Variants in HECTD4 observed in about 807,000 individuals in gnomAD.
HECTD4 encodes HECT domain E3 ubiquitin protein ligase 4, also known as probable E3 ubiquitin-protein ligase HECTD4.
Under a neutral mutation model 471.5 loss-of-function variants are expected in HECTD4, and 114 were observed. The observed-to-expected ratio is 0.24, with a 90% CI of 0.21 to 0.28. The LOEUF is 0.28. Ranked by LOEUF, HECTD4 falls within the 10% of genes least tolerant of loss-of-function variation. HECTD4 has a pLI of 1.00. For synonymous variants in HECTD4, 2,012 were observed against 2,256.0 expected (o/e 0.89, Z 3.07); for missense variants, 3,866 against 5,651.5 (o/e 0.68, Z 10.13).
rs564143455 is a variant in HECTD4 at position 112,274,129 on chromosome 12, C to A, written c.1802-334G>T. ...ATAATAGGACCAATTAACATTAATG[C>A]AAAATAAAAAGCCCTAATAACTGAG... On this transcript the variant is annotated intron_variant, in intron 10 of 75. Transcript: ENST00000682272. Among the ~76,000 whole-genome samples the A allele has an allele frequency of 4.9e-4, 74 of 152,254 alleles. 1 individual carries two copies. The highest frequency in any genetic ancestry group is 1.7e-3 in the African/African-American group (70 of 41,550).
intron 52 of HECTD4, 146 bp from the exon 53 acceptor site, chr12:112,204,769 G>T: frequency 1.5e-6 from 1 of 652,550 alleles, no homozygotes. Context: ...AGGAAATTGT[G>T]CAGTATCTAC....
At chr12:112,197,912 A>C (rs1472265857) in intron 55 of HECTD4, among the ~76,000 whole-genome samples, 1 of 152,178 alleles carries the variant, frequency 6.6e-6, no homozygotes, top group East Asian at 1.9e-4. Context: ...TGGGGACTCT[A>C]GCAACCTCTG....
At chr12:112,290,866 A>AAAAAAAAAAAC (rs1594014894) in intron 7 of HECTD4, among the ~76,000 whole-genome samples, 1 of 149,566 alleles carries the variant, frequency 6.7e-6, no homozygotes. Flanking sequence ...AACAAAACAA[A>AAAAAAAAAAAC]AAAAAAAAAC....
chr12:112,258,190 G>GAAA (rs71920161), intron 20 of HECTD4, among the ~76,000 whole-genome samples: 1 of 128,230 alleles, frequency 7.8e-6, no homozygotes, highest in Admixed American at 7.8e-5. Context: ...CTCCATCTCA[G>GAAA]AAAAAAAAAA....
At chr12:112,355,221 C>T (rs929899677) in intron 1 of HECTD4, among the ~76,000 whole-genome samples, 4 of 149,928 alleles carry the variant, frequency 2.7e-5, no homozygotes, top group East Asian at 2.0e-4. Flanking sequence ...ACTTCAGGCC[C>T]GCCTTGGCCT....
intron 15 of HECTD4, among the ~76,000 whole-genome samples, chr12:112,265,657 C>T (rs1406770097): frequency 4.0e-4 from 61 of 152,158 alleles, no homozygotes; most frequent in Non-Finnish European, 1.5e-5. Context: ...AGACCCTTTC[C>T]CCAGGCCCAA....
intron 7 of HECTD4, among the ~76,000 whole-genome samples, chr12:112,290,624 G>A (rs2034857836): frequency 6.6e-6 from 1 of 151,862 alleles, no homozygotes; most frequent in South Asian, 2.1e-4. Flanking sequence ...GAGGAAGGCA[G>A]ATCACCTGAG....
At chr12:112,333,682 TAAAC>T (rs565131789) in intron 1 of HECTD4, among the ~76,000 whole-genome samples, 298 of 152,206 alleles carry the variant, frequency 2.0e-3, no homozygotes, top group Non-Finnish European at 3.0e-3. Context: ...CTGTATCTAT[TAAAC>T]AAACAAACAA....
chr12:112,250,099 T>A, intron 25 of HECTD4, 45 bp downstream of exon 25: 1 of 1,389,176 alleles, frequency 7.2e-7, no homozygotes, highest in Non-Finnish European at 1.0e-6. Context: ...TTGTTTAAAC[T>A]TTTTTTTCCC....
chr12:112,241,446 C>T (rs2033640578), intron 32 of HECTD4, among the ~76,000 whole-genome samples: 1 of 152,122 alleles, frequency 6.6e-6, no homozygotes, highest in African/African-American at 2.4e-5. Flanking sequence ...TGAACAGAAG[C>T]AAGACCTAAA....
At chr12:112,356,662 TC>T (rs2036343354) in intron 1 of HECTD4, among the ~76,000 whole-genome samples, 1 of 152,074 alleles carries the variant, frequency 6.6e-6, no homozygotes, top group African/African-American at 2.4e-5. Flanking sequence ...GGTCTCAAAC[TC>T]CTGGGCTCAA....
Position 112,350,954 on chromosome 12 carries a change from A to G in HECTD4, c.177+30998T>C, listed in dbSNP as rs549752159. Among the ~76,000 whole-genome samples the G allele has an allele frequency of 7.9e-4, 121 of 152,306 alleles. 2 individuals carry two copies. The South Asian group carries it at 0.015, about 19-fold the overall frequency. On this transcript the variant is annotated intron_variant, in intron 1 of 75. Transcript: ENST00000682272. ...ATTAAGGGCCCATTAGTCTCCCTAAAAAAGAGCTTAATTCCATGTCAGAAA... is the reference window on the plus strand; with the variant it reads ...ATTAAGGGCCCATTAGTCTCCCTAAGAAAGAGCTTAATTCCATGTCAGAAA...
In HECTD4 at chr12:112,179,458, C is replaced by A. The variant is rs981646136; in HGVS notation, c.10988-61G>T. ...TGAACATGCATCGGGACAAGCCCTG[C>A]GAGCATTCTGTTTCCAAACACTGTT... On this transcript the variant is annotated intron_variant, in intron 62 of 75. Coordinates refer to ENST00000682272, the MANE Select transcript of HECTD4 (RefSeq NM_001388303.1). The surrounding 1 kb of genome is among the most constrained non-coding windows in gnomAD (Gnocchi z 4.3). The A allele has an allele frequency of 1.4e-6, 2 of 1,407,190 alleles. No individual in the cohort carries two copies. The highest frequency in any genetic ancestry group is 1.2e-5 in the South Asian group (1 of 81,278). The allele number at this position is 1,407,190 out of a possible 1,614,324, so 87.2% of individuals were successfully genotyped here. A position where few individuals can be genotyped will look rare whatever the true frequency, so the allele number is the denominator to read the frequency against.
intron 1 of HECTD4, among the ~76,000 whole-genome samples, chr12:112,346,414 C>T (rs1702217897): frequency 6.6e-6 from 1 of 152,194 alleles, no homozygotes; most frequent in Non-Finnish European, 1.5e-5. Flanking sequence ...CACTTTGGTA[C>T]ATACCAGCAA....
In HECTD4 at chr12:112,217,990, A is replaced by T. The variant is rs545837065; in HGVS notation, c.7075-795T>A. Among the ~76,000 whole-genome samples the T allele has an allele frequency of 1.8e-3, 278 of 151,744 alleles. 1 individual carries two copies. Among genetic ancestry groups the T allele is most frequent in the Non-Finnish European group, 3.2e-3 (214 of 67,930 alleles). On this transcript the variant is annotated intron_variant, in intron 45 of 75. Coordinates refer to ENST00000682272, the MANE Select transcript of HECTD4 (RefSeq NM_001388303.1). ...AGCAACTTTTAAAAAATTTATTATT[A>T]TTTTTTTATTTTTTGAGACAGTCTC...
rs375000217 is a variant in HECTD4 at position 112,250,985 on chromosome 12, G to A, written c.3702C>T (p.Ser1234=). The A allele has an allele frequency of 1.1e-5, 18 of 1,611,192 alleles. No homozygotes were observed. The highest frequency in any genetic ancestry group is 1.5e-5 in the Non-Finnish European group (18 of 1,178,830). ...EEEACQELLR[S]KLLQRCQWQV... is the part of the protein sequence containing the mutation. ...CTTTTTGTTACCTTTGTAAAAGTTT[G>A]GACCGCAATAGCTCCTGACAGGCTT... Residue 1234 remains serine, a synonymous_variant, in exon 24 of 76, where the codon TCC becomes TCT. Coordinates refer to ENST00000682272, the MANE Select transcript of HECTD4 (RefSeq NM_001388303.1).
chr12:112,280,730 T>C (rs1309500661), intron 8 of HECTD4, among the ~76,000 whole-genome samples: 6 of 151,562 alleles, frequency 4.0e-5, no homozygotes, highest in Non-Finnish European at 8.8e-5. Context: ...ATGTTTTCAA[T>C]AGACATATGC....
At chr12:112,320,805 T>C (rs1236847023) in intron 1 of HECTD4, among the ~76,000 whole-genome samples, 2 of 152,328 alleles carry the variant, frequency 1.3e-5, no homozygotes, top group East Asian at 3.9e-4. Flanking sequence ...TATATATGTT[T>C]AATAAATGAT....
chr12:112,252,852 C>T (rs1336519518), intron 22 of HECTD4, among the ~76,000 whole-genome samples: 13 of 151,742 alleles, frequency 8.6e-5, no homozygotes, highest in Non-Finnish European at 1.6e-4. Flanking sequence ...CTCTGTCACC[C>T]GGGCTGGAGT....
Sources: gnomAD v4.1 joint callset for allele counts (sites outside exome capture counted in the v4.1 genomes callset) on GRCh38, gnomAD v4.1.1 for gene constraint, Gnocchi (gnomAD v3.1) non-coding constraint, MANE v1.5 for transcripts, NCBI Gene and HGNC (gene_info 2026-07-23, HGNC 2026-07-21) for gene names.